ZNF674: variants seen among roughly 807,000 people sequenced by gnomAD.
ZNF674 encodes the protein zinc finger protein 674.
Under a neutral mutation model 7.0 loss-of-function variants are expected in ZNF674, and 2 were observed. The ratio of observed to expected loss-of-function variants is 0.29; its 90% CI spans 0.12 to 0.90. The LOEUF is 0.90. Among genes scored for constraint, ZNF674 ranks in the 40% least tolerant of loss-of-function variants. The probability of loss-of-function intolerance (pLI) is 0.57; values close to 1 mark genes in which losing one functional copy is unlikely to be tolerated. For synonymous variants in ZNF674, 103 were observed against 145.2 expected, an observed-to-expected ratio of 0.71 and a Z score of 2.09; for missense variants, 297 against 415.5, an observed-to-expected ratio of 0.71 and a Z score of 2.48.
chrX:46,522,618 C>G (rs1265727571), intron 5 of ZNF674, among the ~76,000 whole-genome samples: 1 of 111,935 alleles, frequency 8.9e-6, no homozygotes, highest in Non-Finnish European at 1.9e-5. Flanking sequence ...GAGCTATGAT[C>G]ACACCACTGC....
chrX:46,501,662 A>ATATGTGTGTGTGTGTGTGTGTG (rs1556008912), intron 5 of ZNF674, among the ~76,000 whole-genome samples: 1 of 102,349 alleles, frequency 9.8e-6, no homozygotes, highest in African/African-American at 3.5e-5. Context: ...TTGTATATAT[A>ATATGTGTGTGTGTGTGTGTGTG]TGTGTGTGTG....
intron 5 of ZNF674, among the ~76,000 whole-genome samples, chrX:46,513,750 T>A (rs955518104): frequency 8.9e-6 from 1 of 111,952 alleles, no homozygotes; most frequent in Non-Finnish European, 1.9e-5. Flanking sequence ...ATGTCCTTTA[T>A]CTCTAACATA....
rs1343579961 is a variant in ZNF674, at chrX:46,501,277, C to A, written c.297G>T (p.Leu99=). ...DHYKESQDKF[L]WQAAFIGKET... ...CCTTGCCTATGAATGCAGCTTGCCA[C>A]AGAAATTTGTCTTGGCTTTCCTTGT... Residue 99 remains leucine, a synonymous_variant, in exon 6 of 6, where the codon CTG becomes CTT. Coordinates refer to ENST00000683375, the MANE Select transcript of ZNF674 (RefSeq NM_001190417.2). 7.4e-6 allele frequency: 9 copies of A among 1,209,609 alleles called. No homozygotes were observed. The highest frequency in any genetic ancestry group is 8.9e-6 in the Non-Finnish European group (8 of 895,021).
In ZNF674 at chrX:46,534,525, C is replaced by A. The variant is rs1021960602; in HGVS notation, c.16-5616G>T. On this transcript the variant is annotated intron_variant, in intron 3 of 5. Coordinates refer to ENST00000683375, the MANE Select transcript of ZNF674 (RefSeq NM_001190417.2). ...TCCAGGCACACGCCACCTCACCCAG[C>A]TAATTTTTGTATTTTTTGTAGAAAC... Among the ~76,000 whole-genome samples the A allele has an allele frequency of 5.4e-5, 6 of 110,753 alleles. No individual in the cohort carries two copies. The East Asian group carries it at 1.4e-3, about 26-fold the overall frequency.
At position 46,542,088 on chromosome X, in the gene ZNF674, C is replaced by G. The variant is rs1212246407; in HGVS notation, c.-1G>C. On this transcript the variant is annotated 5_prime_UTR_variant, in exon 3 of 6. Transcript: ENST00000683375. ...TAGAACTCACCTGGGACATGGCCAT[C>G]TTGTTGTGCTCCTGCAAAGGATGGA... The G allele has an allele frequency of 1.7e-6, 2 of 1,197,129 alleles. No homozygotes were observed. Among genetic ancestry groups the G allele is most frequent in the African/African-American group, 3.5e-5 (2 of 56,357 alleles).
chrX:46,537,099 C>T (rs1382466188), intron 3 of ZNF674, among the ~76,000 whole-genome samples: 1 of 111,159 alleles, frequency 9.0e-6, no homozygotes, highest in Non-Finnish European at 1.9e-5. Flanking sequence ...GGCAAAACCC[C>T]ATCTCTACTA....
At chrX:46,534,805 A>T (rs1460298505) in intron 3 of ZNF674, among the ~76,000 whole-genome samples, 1 of 106,849 alleles carries the variant, frequency 9.4e-6, no homozygotes, top group African/African-American at 3.4e-5. Flanking sequence ...CAGTGTTGTG[A>T]TCTCAGCTCA....
At position 46,538,298 on chromosome X, in the gene ZNF674, T is replaced by C. The variant is rs906038934; in HGVS notation, c.15+3775A>G. Among the ~76,000 whole-genome samples the C allele has an allele frequency of 8.1e-5, 9 of 111,636 alleles. No individual in the cohort carries two copies. In the East Asian group the frequency reaches 2.5e-3, roughly 31 times the overall value. On this transcript the variant is annotated intron_variant, in intron 3 of 5. Transcript: ENST00000683375. Reference sequence around the variant, plus strand: ...TTCCACATAACTGAAATACCATTTTTATAATCTTGACTCACAGAATCCTAT... The same window carrying C: ...TTCCACATAACTGAAATACCATTTTCATAATCTTGACTCACAGAATCCTAT...
intron 5 of ZNF674, among the ~76,000 whole-genome samples, chrX:46,502,627 A>G (rs1253309821): frequency 8.9e-6 from 1 of 112,041 alleles, no homozygotes; most frequent in African/African-American, 3.2e-5. Flanking sequence ...GATCTTGGGA[A>G]ATCACTTAGT....
intron 5 of ZNF674, chrX:46,522,837 T>C (rs1341895213): frequency 8.9e-6 from 1 of 112,605 alleles, no homozygotes; most frequent in Non-Finnish European, 1.9e-5. Flanking sequence ...ATTCTGTTTT[T>C]ACAAAGCTCA....
intron 5 of ZNF674, among the ~76,000 whole-genome samples, chrX:46,524,538 C>CA (rs1289212126): frequency 9.3e-6 from 1 of 107,031 alleles, no homozygotes; most frequent in South Asian, 4.1e-4. Context: ...TATATACACA[C>CA]AAAAAAAATT....
chrX:46,513,708 G>A (rs1190563587), intron 5 of ZNF674, among the ~76,000 whole-genome samples: 1 of 111,435 alleles, frequency 9.0e-6, no homozygotes, highest in South Asian at 3.8e-4. Flanking sequence ...AGGCCTTTAC[G>A]GGACTCAAAA....
chrX:46,502,199 A>C (rs905599962), intron 5 of ZNF674, among the ~76,000 whole-genome samples: 63 of 107,557 alleles, frequency 5.9e-4, no homozygotes, highest in African/African-American at 2.0e-3. Flanking sequence ...CCAGCTATTC[A>C]GGAGGCTGAG....
At chrX:46,504,745 T>C (rs991006733) in intron 5 of ZNF674, among the ~76,000 whole-genome samples, 3 of 111,123 alleles carry the variant, frequency 2.7e-5, no homozygotes, top group Non-Finnish European at 5.7e-5. Context: ...AAAACATAGT[T>C]TAGAAGGATA....
chrX:46,511,523 T>G (rs1370347801), intron 5 of ZNF674, among the ~76,000 whole-genome samples: 1 of 111,177 alleles, frequency 9.0e-6, no homozygotes, highest in Non-Finnish European at 1.9e-5. Flanking sequence ...TGAGTAAGAG[T>G]TCACTGAAAG....
At chrX:46,544,466 G>C (rs764519178) in intron 2 of ZNF674, 35 bp downstream of exon 2, 3 of 112,126 alleles carry the variant, frequency 2.7e-5, no homozygotes, top group Non-Finnish European at 5.6e-5. Context: ...CATCACTATA[G>C]CACTAGATCT....
intron 5 of ZNF674, among the ~76,000 whole-genome samples, chrX:46,521,222 A>AAG (rs1941905331): frequency 1.9e-5 from 2 of 107,812 alleles, no homozygotes; most frequent in African/African-American, 6.9e-5. Flanking sequence ...AAAAAAAAAA[A>AAG]AGACAATCTA....
intron 5 of ZNF674, among the ~76,000 whole-genome samples, chrX:46,522,457 G>A (rs914550023): frequency 3.6e-5 from 4 of 111,386 alleles, no homozygotes; most frequent in Non-Finnish European, 7.5e-5. Context: ...TTGAGGCCAA[G>A]AGTTCAAAAC....
chrX:46,540,134 C>T (rs1200861579), intron 3 of ZNF674, among the ~76,000 whole-genome samples: 1 of 110,767 alleles, frequency 9.0e-6, no homozygotes, highest in Non-Finnish European at 1.9e-5. Context: ...GTCCCAGCTA[C>T]TCGGGAGGCT....
Sources: gnomAD v4.1 joint callset for allele counts (sites outside exome capture counted in the v4.1 genomes callset) on GRCh38, gnomAD v4.1.1 for gene constraint, MANE v1.5 for transcripts, NCBI Gene and HGNC (gene_info 2026-07-23, HGNC 2026-07-21) for gene names.